GNG4: variants seen among roughly 807,000 people sequenced by gnomAD.
GNG4 encodes guanine nucleotide-binding protein G(I)/G(S)/G(O) subunit gamma-4.
GNG4 carries 4 observed loss-of-function variants against 5.8 expected under a neutral mutation model. That is an observed-to-expected ratio of 0.69 (90% confidence interval 0.34 to 1.57). The LOEUF (loss-of-function observed/expected upper bound fraction) is 1.57. Among genes scored for constraint, GNG4 ranks in the 40% most tolerant of loss-of-function variants. The pLI, the probability that GNG4 is intolerant of heterozygous loss-of-function variation, is 0.06. For missense variants in GNG4, 96 were observed against 95.1 expected, an observed-to-expected ratio of 1.01 and a Z score of -0.04; for synonymous variants, 29 against 32.9, an observed-to-expected ratio of 0.88 and a Z score of 0.41.
At chr1:235,618,926 G>A (rs1374470134) in intron 1 of GNG4, among the ~76,000 whole-genome samples, 1 of 151,076 alleles carries the variant, frequency 6.6e-6, no homozygotes, top group African/African-American at 2.4e-5. Context: ...AAAGTGTTGG[G>A]ATTATAGGCG....
intron 1 of GNG4, among the ~76,000 whole-genome samples, chr1:235,612,085 AAAAAAAG>A (rs1688490408): frequency 1.7e-5 from 2 of 119,238 alleles, no homozygotes; most frequent in East Asian, 3.9e-4. Flanking sequence ...AAAAAAAAAA[AAAAAAAG>A]AGGAGAAAGA....
At chr1:235,633,256 G>A (rs2102984040) in intron 1 of GNG4, among the ~76,000 whole-genome samples, 1 of 152,286 alleles carries the variant, frequency 6.6e-6, no homozygotes, top group Non-Finnish European at 1.5e-5. Context: ...AGAGCTGGTG[G>A]TATGAATGGC....
chr1:235,597,209 C>A (rs1490759600), intron 1 of GNG4, among the ~76,000 whole-genome samples: 1 of 152,262 alleles, frequency 6.6e-6, no homozygotes, highest in Non-Finnish European at 1.5e-5. Flanking sequence ...GCATCCATCT[C>A]CGAGGCATCC....
At chr1:235,564,271 C>A (rs139959280) in intron 3 of GNG4, among the ~76,000 whole-genome samples, 4 of 152,026 alleles carry the variant, frequency 2.6e-5, no homozygotes, top group African/African-American at 9.7e-5. Flanking sequence ...GAGAGACACA[C>A]TACTTGAGGG....
At chr1:235,558,699 A>C (rs1686981790) in intron 3 of GNG4, among the ~76,000 whole-genome samples, 1 of 152,212 alleles carries the variant, frequency 6.6e-6, no homozygotes, top group African/African-American at 2.4e-5. Flanking sequence ...TTCAAAGAGA[A>C]AATCTTATTC....
chr1:235,588,002 C>T (rs999504392), intron 2 of GNG4, among the ~76,000 whole-genome samples: 1 of 151,720 alleles, frequency 6.6e-6, no homozygotes. Context: ...CCGGGGAAAG[C>T]AGCAGAGCCG....
chr1:235,568,793 CTTT>C (rs10625498), intron 3 of GNG4, among the ~76,000 whole-genome samples: 1 of 144,582 alleles, frequency 6.9e-6, no homozygotes, highest in African/African-American at 2.5e-5. Flanking sequence ...TTTTTCTTTC[CTTT>C]TTTTTTTTCT....
At chr1:235,601,382 A>T (rs916192786) in intron 1 of GNG4, among the ~76,000 whole-genome samples, 15 of 152,172 alleles carry the variant, frequency 9.9e-5, no homozygotes, top group Admixed American at 9.8e-4. Context: ...TGGAATCACC[A>T]TGCTGATCCA....
At chr1:235,608,117 T>C (rs1688401867) in intron 1 of GNG4, among the ~76,000 whole-genome samples, 1 of 152,054 alleles carries the variant, frequency 6.6e-6, no homozygotes, top group Non-Finnish European at 1.5e-5. Context: ...TTTGTATTTT[T>C]AGTAAAGACA....
At chr1:235,593,828 G>C (rs1314106396) in intron 2 of GNG4, among the ~76,000 whole-genome samples, 1 of 152,162 alleles carries the variant, frequency 6.6e-6, no homozygotes. Context: ...TTCGTGGTGA[G>C]TGTTACAGCT....
chr1:235,629,290 C>A (rs1442025167), intron 1 of GNG4, among the ~76,000 whole-genome samples: 1 of 152,078 alleles, frequency 6.6e-6, no homozygotes, highest in Non-Finnish European at 1.5e-5. Context: ...GCTGGGATTA[C>A]AGGTGTGAGT....
intron 3 of GNG4, among the ~76,000 whole-genome samples, chr1:235,572,740 T>C (rs1687377363): frequency 6.6e-6 from 1 of 151,926 alleles, no homozygotes; most frequent in African/African-American, 2.4e-5. Flanking sequence ...CCTCAAGTGA[T>C]CTACCCACCT....
At chr1:235,628,895 T>C (rs931283877) in intron 1 of GNG4, among the ~76,000 whole-genome samples, 1 of 152,146 alleles carries the variant, frequency 6.6e-6, no homozygotes, top group African/African-American at 2.4e-5. Context: ...CAGCTTCCTT[T>C]GGTTCTGAGC....
rs1657558637 is a variant in GNG4 at position 235,648,165 on chromosome 1, A to G, written c.-123+1497T>C. ...CTTCCTTGGGCGAATTTTAAGGCCT[A>G]TGAGCACTGGAGTTGTGCATGGAGG... On this transcript the variant is annotated intron_variant, in intron 1 of 3. Coordinates refer to ENST00000391854, the MANE Select transcript of GNG4 (RefSeq NM_001098722.2). The surrounding 1 kb of genome is among the most constrained non-coding windows in gnomAD (Gnocchi z 5.0). Among the ~76,000 whole-genome samples the G allele has an allele frequency of 6.6e-6, 1 of 152,096 alleles. No individual in the cohort carries two copies.
intron 1 of GNG4, among the ~76,000 whole-genome samples, chr1:235,645,277 G>A (rs1461665386): frequency 6.6e-6 from 1 of 152,148 alleles, no homozygotes; most frequent in Non-Finnish European, 1.5e-5. Flanking sequence ...TCCCTGCCCT[G>A]CCCTGCCTCC....
In GNG4 at chr1:235,583,086, G is replaced by A. The variant is rs1022846311; in HGVS notation, c.99+654C>T. Among the ~76,000 whole-genome samples the A allele has an allele frequency of 2.6e-5, 4 of 152,256 alleles. No individual in the cohort carries two copies. In the South Asian group the frequency reaches 6.2e-4, roughly 24 times the overall value. On this transcript the variant is annotated intron_variant, in intron 3 of 3. Transcript: ENST00000391854. ...TGGAGCTTCCTGGCATCAGGTTCCC[G>A]ACACCAGAGTTGGGGTTCCTTTCAA... is the stretch of plus-strand genomic sequence containing the variant.
At chr1:235,572,217 A>G (rs1017380879) in intron 3 of GNG4, among the ~76,000 whole-genome samples, 1 of 151,902 alleles carries the variant, frequency 6.6e-6, no homozygotes, top group African/African-American at 2.4e-5. Context: ...ACAGTACTAG[A>G]TATCTTTTTT....
intron 1 of GNG4, among the ~76,000 whole-genome samples, chr1:235,638,612 C>G (rs950598183): frequency 6.6e-6 from 1 of 152,070 alleles, no homozygotes; most frequent in Non-Finnish European, 1.5e-5. Context: ...AGGTTTTAAG[C>G]CTTGCCTGCA....
At chr1:235,568,070 C>T (rs542012138) in intron 3 of GNG4, among the ~76,000 whole-genome samples, 1 of 152,204 alleles carries the variant, frequency 6.6e-6, no homozygotes. Flanking sequence ...AAGCTTCCTT[C>T]CAGCCCCTGC....
Sources: gnomAD v4.1 joint callset for allele counts (sites outside exome capture counted in the v4.1 genomes callset) on GRCh38, gnomAD v4.1.1 for gene constraint, Gnocchi (gnomAD v3.1) non-coding constraint, MANE v1.5 for transcripts, NCBI Gene and HGNC (gene_info 2026-07-23, HGNC 2026-07-21) for gene names.